Variants in LRRTM4 observed in about 807,000 individuals in gnomAD.
LRRTM4 encodes leucine rich repeat transmembrane neuronal 4, also known as leucine-rich repeat transmembrane neuronal protein 4.
In LRRTM4, 25 loss-of-function variants were observed where a neutral mutation model predicts 47.6. That is an observed-to-expected ratio of 0.53 (90% CI 0.38 to 0.73). LRRTM4 has a LOEUF of 0.73. Among genes scored for constraint, LRRTM4 ranks in the 30% least tolerant of loss-of-function variants. The pLI is 0.00. For synonymous variants in LRRTM4, 311 were observed against 269.5 expected, an observed-to-expected ratio of 1.15 and a Z score of -1.51; for missense variants, 638 against 713.4, an observed-to-expected ratio of 0.89 and a Z score of 1.20.
At chr2:77,288,760 C>T (rs970630602) in intron 3 of LRRTM4, among the ~76,000 whole-genome samples, 2 of 151,994 alleles carry the variant, frequency 1.3e-5, no homozygotes, top group African/African-American at 4.8e-5. Flanking sequence ...ATGATATGTT[C>T]AAACTCATCC....
intron 3 of LRRTM4, among the ~76,000 whole-genome samples, chr2:77,337,988 G>T (rs949176297): frequency 2.0e-4 from 31 of 152,088 alleles, no homozygotes; most frequent in Admixed American, 6.6e-4. Context: ...CTAAGCAATG[G>T]TGAAAGGAAT....
At chr2:77,011,982 A>C (rs1457843790) in intron 3 of LRRTM4, among the ~76,000 whole-genome samples, 1 of 152,096 alleles carries the variant, frequency 6.6e-6, no homozygotes, top group Non-Finnish European at 1.5e-5. Flanking sequence ...TTAACAGATC[A>C]GTGACAGCAC....
At chr2:77,205,808 C>T (rs1412792824) in intron 3 of LRRTM4, among the ~76,000 whole-genome samples, 1 of 152,136 alleles carries the variant, frequency 6.6e-6, no homozygotes, top group African/African-American at 2.4e-5. Flanking sequence ...CAACTTCAGA[C>T]ATCATTAATA....
At position 76,757,569 on chromosome 2, in the gene LRRTM4, G is replaced by T. The variant is rs552641446; in HGVS notation, c.1552-8653C>A. ...AATTAGCTGGTATTAATTTCTAAAG[G>T]CTTTCCTTCGGTAGCTCTGGCCTCT... On this transcript the variant is annotated intron_variant, in intron 3 of 3. Transcript: ENST00000409884. Among the ~76,000 whole-genome samples, 4 of 152,244 alleles carry T rather than the reference G, an allele frequency of 2.6e-5. No homozygotes were observed. In the South Asian group the frequency reaches 8.3e-4, roughly 32 times the overall value.
At chr2:76,867,408 G>T (rs970613147) in intron 3 of LRRTM4, among the ~76,000 whole-genome samples, 8 of 152,104 alleles carry the variant, frequency 5.3e-5, no homozygotes, top group Non-Finnish European at 7.4e-5. Flanking sequence ...AGGTATAAAA[G>T]ATTTAAAATA....
chr2:77,270,348 A>G (rs947773609), intron 3 of LRRTM4, among the ~76,000 whole-genome samples: 2 of 152,168 alleles, frequency 1.3e-5, no homozygotes, highest in Non-Finnish European at 2.9e-5. Flanking sequence ...TACACTCACT[A>G]AAAGGAGATT....
rs567112252 is a variant in LRRTM4 at position 76,994,357 on chromosome 2, G to A, written c.1552-245441C>T. ...AATACAATGATGGTGAATCCCCCAAGCTGTGTTTCTATCCTGCAACATATA... is the reference window on the plus strand; with the variant it reads ...AATACAATGATGGTGAATCCCCCAAACTGTGTTTCTATCCTGCAACATATA... On this transcript the variant is annotated intron_variant, in intron 3 of 3. Transcript: ENST00000409884. 1.7e-3 allele frequency among the ~76,000 whole-genome samples: 251 copies of A among 151,992 alleles called. 2 individuals carry two copies. The highest frequency in any genetic ancestry group is 5.8e-3 in the African/African-American group (240 of 41,534).
At chr2:77,049,706 A>C (rs563202843) in intron 3 of LRRTM4, among the ~76,000 whole-genome samples, 1 of 151,906 alleles carries the variant, frequency 6.6e-6, no homozygotes, top group African/African-American at 2.4e-5. Flanking sequence ...TGTATGATGA[A>C]TAGTATGCAA....
chr2:77,236,450 AT>A lies in LRRTM4; in HGVS notation c.1551+281867del, dbSNP rs540401924. On this transcript the variant is annotated intron_variant, in intron 3 of 3. Transcript: ENST00000409884. ...TAGGGTTTTCTAGGTACAGAATCAT[AT>A]TTTTTTTTTGCCAAGAGAGATAGCC... Among the ~76,000 whole-genome samples, 280 of 146,684 alleles carry A rather than the reference AT, an allele frequency of 1.9e-3. 1 individual carries two copies. Among genetic ancestry groups the A allele is most frequent in the Non-Finnish European group, 3.2e-3 (214 of 66,100 alleles).
At chr2:77,060,682 C>T (rs1315576943) in intron 3 of LRRTM4, among the ~76,000 whole-genome samples, 1 of 152,042 alleles carries the variant, frequency 6.6e-6, no homozygotes, top group African/African-American at 2.4e-5. Context: ...AGCTCTAGAT[C>T]TGGAGTTTAT....
intron 3 of LRRTM4, among the ~76,000 whole-genome samples, chr2:77,205,298 T>C (rs6759732): frequency 0.052 from 7,901 of 152,056 alleles, 673 homozygotes; most frequent in African/African-American, 0.18. Context: ...ACCAAGAAAA[T>C]AGGACGATAT....
At chr2:77,014,109 C>T (rs776197791) in intron 3 of LRRTM4, among the ~76,000 whole-genome samples, 3 of 151,978 alleles carry the variant, frequency 2.0e-5, no homozygotes, top group African/African-American at 7.3e-5. Context: ...TATGAACATG[C>T]ACAGTTTTTT....
At chr2:76,966,390 T>A (rs373865291) in intron 3 of LRRTM4, among the ~76,000 whole-genome samples, 2 of 151,330 alleles carry the variant, frequency 1.3e-5, no homozygotes, top group South Asian at 4.1e-4. Flanking sequence ...TACATGTATT[T>A]TTTGGTCTGT....
intron 3 of LRRTM4, among the ~76,000 whole-genome samples, chr2:77,269,445 CAATT>C (rs1304705277): frequency 6.6e-6 from 1 of 152,046 alleles, no homozygotes; most frequent in East Asian, 1.9e-4. Context: ...AAAAAGAAGA[CAATT>C]AACACATTGC....
chr2:77,481,880 C>T (rs199543607), intron 3 of LRRTM4, among the ~76,000 whole-genome samples: 31 of 144,214 alleles, frequency 2.1e-4, no homozygotes, highest in Non-Finnish European at 2.6e-4. Flanking sequence ...TTTTTTTTTT[C>T]TTTTTTTTTT....
intron 3 of LRRTM4, among the ~76,000 whole-genome samples, chr2:77,002,373 C>T (rs912093416): frequency 1.3e-5 from 2 of 152,026 alleles, no homozygotes; most frequent in Non-Finnish European, 2.9e-5. Flanking sequence ...CAATTCTTGG[C>T]TAGAGGAAGT....
intron 3 of LRRTM4, among the ~76,000 whole-genome samples, chr2:77,256,393 G>C (rs921529421): frequency 6.6e-6 from 1 of 152,060 alleles, no homozygotes; most frequent in Non-Finnish European, 1.5e-5. Flanking sequence ...GAAGAAAAGA[G>C]AAGACTTCTC....
At chr2:77,277,766 A>T (rs1321262884) in intron 3 of LRRTM4, among the ~76,000 whole-genome samples, 1 of 152,062 alleles carries the variant, frequency 6.6e-6, no homozygotes, top group East Asian at 1.9e-4. Context: ...CTCACACCAT[A>T]CATGACTTGT....
intron 3 of LRRTM4, among the ~76,000 whole-genome samples, chr2:77,106,968 ATATG>A (rs1326047658): frequency 1.4e-4 from 21 of 152,122 alleles, no homozygotes; most frequent in African/African-American, 5.1e-4. Flanking sequence ...AAAAGAAACT[ATATG>A]TAAGAAAATT....
Sources: allele counts gnomAD v4.1 joint callset (sites outside exome capture counted in the v4.1 genomes callset), GRCh38; gene constraint gnomAD v4.1.1; transcripts MANE v1.5; gene names NCBI Gene and HGNC (gene_info 2026-07-23, HGNC 2026-07-21).